Variants in DLGAP2 observed in about 807,000 individuals in gnomAD.
DLGAP2 encodes DLG associated protein 2.
A neutral mutation model predicts 100.3 loss-of-function variants in DLGAP2; 26 were observed. The observed-to-expected ratio is 0.26, with a 90% CI of 0.19 to 0.36. The LOEUF (loss-of-function observed/expected upper bound fraction) is 0.36, where lower values mean the gene tolerates loss of function less well. DLGAP2 is among the 10% of genes least tolerant of loss of function. The pLI, the probability that DLGAP2 is intolerant of heterozygous loss-of-function variation, is 1.00. For synonymous variants in DLGAP2, 886 were observed against 630.1 expected (o/e 1.41, Z -6.08); for missense variants, 1,858 against 1,453.2 (o/e 1.28, Z -4.53).
chr8:959,459 A>G (rs185432400), intron 2 of DLGAP2, among the ~76,000 whole-genome samples: 2 of 152,230 alleles, frequency 1.3e-5, no homozygotes, highest in Admixed American at 6.5e-5. Flanking sequence ...GCCCTGGCTC[A>G]TGCTGGCTTA....
At chr8:1,349,545 C>T (rs1421472639) in intron 3 of DLGAP2, among the ~76,000 whole-genome samples, 35 of 147,994 alleles carry the variant, frequency 2.4e-4, no homozygotes, top group Non-Finnish European at 4.5e-4. Context: ...GAGCCTCCCG[C>T]CCACATCCAC....
At chr8:1,220,651 T>C (rs781691655) in intron 2 of DLGAP2, among the ~76,000 whole-genome samples, 12 of 152,198 alleles carry the variant, frequency 7.9e-5, no homozygotes, top group Non-Finnish European at 1.6e-4. Flanking sequence ...GTCCCAAATA[T>C]CTTTGTTAGT....
chr8:961,368 C>A (rs1006234375), intron 2 of DLGAP2, among the ~76,000 whole-genome samples: 8 of 151,318 alleles, frequency 5.3e-5, no homozygotes, highest in African/African-American at 1.9e-4. Flanking sequence ...TTTGACTCCA[C>A]ACAATTTTGC....
intron 3 of DLGAP2, among the ~76,000 whole-genome samples, chr8:1,475,363 T>C (rs892399239): frequency 6.6e-6 from 1 of 152,180 alleles, no homozygotes; most frequent in African/African-American, 2.4e-5. Flanking sequence ...GCTGTAACTC[T>C]AACAGCATCT....
intron 6 of DLGAP2, among the ~76,000 whole-genome samples, chr8:1,590,616 A>G (rs6558492): frequency 0.11 from 16,172 of 152,266 alleles, 1,409 homozygotes; most frequent in African/African-American, 0.24. Flanking sequence ...GCTGGCTAAA[A>G]TAAAGAGAAA....
At chr8:1,114,404 G>C (rs902318635) in intron 2 of DLGAP2, among the ~76,000 whole-genome samples, 3 of 152,078 alleles carry the variant, frequency 2.0e-5, no homozygotes, top group Non-Finnish European at 4.4e-5. Flanking sequence ...CAAGGAATCA[G>C]CTTCTTCCTG....
chr8:1,245,080 GAGAC>G (rs1251476914), intron 2 of DLGAP2, among the ~76,000 whole-genome samples: 1 of 152,194 alleles, frequency 6.6e-6, no homozygotes, highest in African/African-American at 2.4e-5. Flanking sequence ...CATAATGGCA[GAGAC>G]AGACAATCGT....
intron 8 of DLGAP2, among the ~76,000 whole-genome samples, chr8:1,662,181 C>T (rs1165059810): frequency 2.6e-5 from 4 of 152,170 alleles, no homozygotes; most frequent in African/African-American, 9.7e-5. Context: ...AACAAATATT[C>T]GAAGGCCTCT....
At chr8:1,218,470 G>C (rs145824592) in intron 2 of DLGAP2, among the ~76,000 whole-genome samples, 2,173 of 150,588 alleles carry the variant, frequency 0.014, 30 homozygotes, top group South Asian at 0.068. Context: ...TGTTGTTGTT[G>C]TTGTTGTTGT....
intron 1 of DLGAP2, among the ~76,000 whole-genome samples, chr8:774,698 A>G (rs1821463560): frequency 1.3e-5 from 2 of 151,672 alleles, no homozygotes; most frequent in Admixed American, 6.6e-5. Flanking sequence ...GTTCTGTTCC[A>G]TTGATCTATA....
At chr8:1,098,945 A>C (rs1301685463) in intron 2 of DLGAP2, among the ~76,000 whole-genome samples, 1 of 152,184 alleles carries the variant, frequency 6.6e-6, no homozygotes, top group Non-Finnish European at 1.5e-5. Context: ...ATGTGTTGCT[A>C]AATGGTGCCT....
rs544352545 is a variant in DLGAP2, at chr8:966,748, A to C, written c.73+58782A>C. Among the ~76,000 whole-genome samples the C allele has an allele frequency of 5.9e-5, 9 of 152,344 alleles. No homozygotes were observed. In the South Asian group the frequency reaches 1.7e-3, roughly 28 times the overall value. ...AACACATAGAAGCAAATGGACTGAG[A>C]GTGAGCATCTGCCTCTCCTCACATT... is the stretch of plus-strand genomic sequence containing the variant. On this transcript the variant is annotated intron_variant, in intron 2 of 14. Transcript: ENST00000637795.
chr8:1,377,472 A>C (rs1270830943), intron 3 of DLGAP2, among the ~76,000 whole-genome samples: 1 of 152,216 alleles, frequency 6.6e-6, no homozygotes, highest in African/African-American at 2.4e-5. Flanking sequence ...TGAACCTGGG[A>C]GGCGGAGCTG....
At chr8:981,857 C>T (rs1173311243) in intron 2 of DLGAP2, among the ~76,000 whole-genome samples, 6 of 152,170 alleles carry the variant, frequency 3.9e-5, no homozygotes, top group Admixed American at 3.3e-4. Flanking sequence ...TGCTCTTGTT[C>T]TATGAATCCT....
In DLGAP2 at chr8:1,103,043, T is replaced by A. The variant is rs1804638060; in HGVS notation, c.74-155808T>A. Among the ~76,000 whole-genome samples, 5 of 151,612 alleles carry A rather than the reference T, an allele frequency of 3.3e-5. No individual in the cohort carries two copies. In the South Asian group the frequency reaches 1.1e-3, roughly 32 times the overall value. On this transcript the variant is annotated intron_variant, in intron 2 of 14. Transcript: ENST00000637795. ...TGGAGTCTCTGTGGTTCCCTATGAG[T>A]CTCTGGAGTCTCTGTGGTTTTCCGG...
chr8:1,154,616 A>G (rs987951034), intron 2 of DLGAP2, among the ~76,000 whole-genome samples: 2 of 73,246 alleles, frequency 2.7e-5, no homozygotes, highest in African/African-American at 6.8e-5. Context: ...ACAGAAATAG[A>G]TTAACCATCC....
At chr8:1,392,419 G>A (rs1054772727) in intron 3 of DLGAP2, among the ~76,000 whole-genome samples, 13 of 152,180 alleles carry the variant, frequency 8.5e-5, no homozygotes, top group Admixed American at 5.9e-4. Context: ...TGTGGCCCCC[G>A]TCGGCCTGAC....
intron 12 of DLGAP2, among the ~76,000 whole-genome samples, chr8:1,679,799 T>C (rs945417679): frequency 3.3e-5 from 5 of 152,026 alleles, no homozygotes; most frequent in African/African-American, 1.2e-4. Flanking sequence ...CTGGCCAACA[T>C]GGTAAAGCCC....
In DLGAP2 at chr8:1,027,896, C is replaced by T. The variant is rs532762247; in HGVS notation, c.73+119930C>T. Among the ~76,000 whole-genome samples, 365 of 120,794 alleles carry T rather than the reference C, an allele frequency of 3.0e-3. 1 individual carries two copies. Among genetic ancestry groups the T allele is most frequent in the African/African-American group, 0.011 (338 of 31,478 alleles). The allele number at this position is 120,794 out of a possible 152,430, so 79.2% of individuals were successfully genotyped here. A position where few individuals can be genotyped will look rare whatever the true frequency, so the allele number is the denominator to read the frequency against. On this transcript the variant is annotated intron_variant, in intron 2 of 14. Transcript: ENST00000637795. ...GTTATTCTCCAGGTGGGGTGCCAGG[C>T]GCCCGTTATTCTCCAGGTGGGGTGC...
Sources: allele counts gnomAD v4.1 joint callset (sites outside exome capture counted in the v4.1 genomes callset), GRCh38; gene constraint gnomAD v4.1.1; transcripts MANE v1.5; gene names NCBI Gene and HGNC (gene_info 2026-07-23, HGNC 2026-07-21).